MEIS2: variants seen among roughly 807,000 people sequenced by gnomAD.
The protein encoded by MEIS2 is Meis homeobox 2, also known as homeobox protein Meis2.
MEIS2 carries 9 observed loss-of-function variants against 58.6 expected under a neutral mutation model. The ratio of observed to expected loss-of-function variants is 0.15; its 90% CI spans 0.09 to 0.27. MEIS2 has a LOEUF of 0.27. Ranked by LOEUF, MEIS2 falls within the 10% of genes least tolerant of loss-of-function variation. The probability of loss-of-function intolerance (pLI) is 1.00; values close to 1 mark genes in which losing one functional copy is unlikely to be tolerated. For missense variants in MEIS2, 427 were observed against 635.0 expected (o/e 0.67, Z 3.52); for synonymous variants, 221 against 228.4 (o/e 0.97, Z 0.29).
At chr15:37,062,814 T>C (rs983608554) in intron 7 of MEIS2, among the ~76,000 whole-genome samples, 1 of 152,230 alleles carries the variant, frequency 6.6e-6, no homozygotes. Context: ...TGGAAACCAG[T>C]GATTTCTGTG....
chr15:37,081,275 C>T (rs1470185835), intron 7 of MEIS2, among the ~76,000 whole-genome samples: 1 of 152,128 alleles, frequency 6.6e-6, no homozygotes, highest in Non-Finnish European at 1.5e-5. Flanking sequence ...TGCGAAACTA[C>T]AAACTTGATT....
chr15:36,951,131 G>A (rs2058736586), intron 8 of MEIS2, among the ~76,000 whole-genome samples: 1 of 152,078 alleles, frequency 6.6e-6, no homozygotes, highest in Non-Finnish European at 1.5e-5. Context: ...AGGTTTTGGT[G>A]TTTTCTAATT....
chr15:36,976,302 T>C (rs537966923), intron 8 of MEIS2, among the ~76,000 whole-genome samples: 1 of 151,906 alleles, frequency 6.6e-6, no homozygotes, highest in African/African-American at 2.4e-5. Flanking sequence ...GCCAGGCTGG[T>C]CTCGAACTCC....
chr15:37,087,445 C>A (rs1893019685), intron 6 of MEIS2, among the ~76,000 whole-genome samples: 3 of 152,056 alleles, frequency 2.0e-5, no homozygotes, highest in Admixed American at 2.0e-4. Context: ...GCTGATAATG[C>A]AAGTTGTAAT....
intron 9 of MEIS2, among the ~76,000 whole-genome samples, chr15:36,911,485 A>G (rs561915800): frequency 1.3e-5 from 2 of 152,194 alleles, no homozygotes; most frequent in Non-Finnish European, 2.9e-5. Context: ...GAGGAAGGAG[A>G]AATGAGAAGA....
At chr15:37,072,117 C>T (rs982208315) in intron 7 of MEIS2, among the ~76,000 whole-genome samples, 4 of 152,236 alleles carry the variant, frequency 2.6e-5, no homozygotes, top group Admixed American at 2.6e-4. Flanking sequence ...ACCTTCTAGA[C>T]TATTAATCTA....
intron 9 of MEIS2, among the ~76,000 whole-genome samples, chr15:36,921,398 T>G (rs1022370726): frequency 6.6e-6 from 1 of 152,242 alleles, no homozygotes; most frequent in South Asian, 2.1e-4. Flanking sequence ...TCATTAACTA[T>G]ACTCAGACTC....
intron 6 of MEIS2, among the ~76,000 whole-genome samples, chr15:37,087,127 C>T (rs905316590): frequency 6.6e-6 from 1 of 152,036 alleles, no homozygotes; most frequent in Non-Finnish European, 1.5e-5. Context: ...AAACGCTCGC[C>T]GGGTGCCCGT....
intron 7 of MEIS2, among the ~76,000 whole-genome samples, chr15:37,078,263 T>C (rs1225885586): frequency 6.6e-6 from 1 of 151,650 alleles, no homozygotes; most frequent in Non-Finnish European, 1.5e-5. Flanking sequence ...AGCCATAGAG[T>C]AACACTGGCC....
chr15:37,083,354 T>C (rs991579787), intron 7 of MEIS2, among the ~76,000 whole-genome samples: 3 of 152,218 alleles, frequency 2.0e-5, no homozygotes, highest in Non-Finnish European at 4.4e-5. Context: ...TTTTAAATTT[T>C]ATGTGCTTTA....
chr15:37,083,963 A>G (rs1892574370), intron 6 of MEIS2, 78 bp from the exon 7 acceptor site: 1 of 1,224,726 alleles, frequency 8.2e-7, no homozygotes, highest in Non-Finnish European at 1.2e-6. Flanking sequence ...AACGGCACAG[A>G]AAGAGACAAA....
chr15:37,098,213 G>T lies in MEIS2; in HGVS notation c.13-14C>A. 6.3e-7 allele frequency: 1 copy of T among 1,575,222 alleles called. No individual in the cohort carries two copies. Among genetic ancestry groups the T allele is most frequent in the Admixed American group, 1.7e-5 (1 of 57,606 alleles). ...CAGCTCATCGTACTGTCAGAACCCG[G>T]GAAGGGGGAGGGGGCGCAGGAGGTG... On this transcript the variant is annotated splice_polypyrimidine_tract_variant and intron_variant, in intron 1 of 11. Coordinates refer to ENST00000561208, the MANE Select transcript of MEIS2 (RefSeq NM_170675.5).
intron 8 of MEIS2, among the ~76,000 whole-genome samples, chr15:36,995,720 A>AC: frequency 2.1e-5 from 1 of 46,832 alleles, no homozygotes; most frequent in African/African-American, 5.9e-5. Flanking sequence ...AAAAAAAAAA[A>AC]AAAAAAAAAA....
chr15:37,067,929 T>G (rs1890174744), intron 7 of MEIS2, among the ~76,000 whole-genome samples: 1 of 152,128 alleles, frequency 6.6e-6, no homozygotes, highest in African/African-American at 2.4e-5. Context: ...ATAAAGCCGG[T>G]GGTCACATGC....
chr15:36,950,291 T>C (rs373707297), intron 9 of MEIS2, 33 bp downstream of exon 9: 15 of 1,523,872 alleles, frequency 9.8e-6, no homozygotes, highest in African/African-American at 1.4e-5. Context: ...ATTTTAGCCA[T>C]GGGAGAAAGA....
intron 7 of MEIS2, among the ~76,000 whole-genome samples, chr15:37,055,272 A>G (rs184776605): frequency 6.6e-6 from 1 of 152,304 alleles, no homozygotes; most frequent in African/African-American, 2.4e-5. Context: ...ACATTCGACT[A>G]TGAACGTAAG....
intron 7 of MEIS2, among the ~76,000 whole-genome samples, chr15:37,050,272 A>C (rs2062858889): frequency 6.6e-6 from 1 of 151,184 alleles, no homozygotes; most frequent in Non-Finnish European, 1.5e-5. Context: ...CAAAAACCAT[A>C]TCTCTTTTTC....
intron 9 of MEIS2, among the ~76,000 whole-genome samples, chr15:36,921,712 T>C (rs2141297915): frequency 7.5e-6 from 1 of 133,086 alleles, no homozygotes; most frequent in East Asian, 2.1e-4. Flanking sequence ...TAGTGACCTC[T>C]TGGCATTGTT....
chr15:37,032,950 G>A (rs751225397), intron 8 of MEIS2, among the ~76,000 whole-genome samples: 1 of 152,202 alleles, frequency 6.6e-6, no homozygotes, highest in South Asian at 2.1e-4. Context: ...TTTCCTCAGC[G>A]TAATCAATTA....
Sources: gnomAD v4.1 joint callset for allele counts (sites outside exome capture counted in the v4.1 genomes callset) on GRCh38, gnomAD v4.1.1 for gene constraint, MANE v1.5 for transcripts, NCBI Gene and HGNC (gene_info 2026-07-23, HGNC 2026-07-21) for gene names.